KANSL1L: variants seen among roughly 807,000 people sequenced by gnomAD.
KANSL1L encodes the protein KAT8 regulatory NSL complex subunit 1-like protein.
A neutral mutation model predicts 108.6 loss-of-function variants in KANSL1L; 25 were observed. The observed-to-expected ratio is 0.23, with a 90% CI of 0.17 to 0.32. KANSL1L has a LOEUF of 0.32. KANSL1L is among the 10% of genes least tolerant of loss of function. The pLI is 1.00. For missense variants in KANSL1L, 1,137 were observed against 1,125.7 expected (o/e 1.01, Z -0.14); for synonymous variants, 405 against 395.1 (o/e 1.03, Z -0.30).
At chr2:210,036,923 A>G (rs188352108) in intron 8 of KANSL1L, among the ~76,000 whole-genome samples, 84 of 150,886 alleles carry the variant, frequency 5.6e-4, no homozygotes, top group African/African-American at 1.9e-3. Context: ...TGCCCAGCTA[A>G]TTTTTGTATT....
chr2:210,170,829 G>T (rs1309308643), intron 1 of KANSL1L, among the ~76,000 whole-genome samples: 3 of 152,120 alleles, frequency 2.0e-5, no homozygotes, highest in African/African-American at 2.4e-5. Context: ...ACAAAAGGGA[G>T]GTCTGCCAAG....
chr2:210,142,940 A>G (rs1156299812), intron 2 of KANSL1L, among the ~76,000 whole-genome samples: 2 of 152,118 alleles, frequency 1.3e-5, no homozygotes, highest in Non-Finnish European at 1.5e-5. Flanking sequence ...GGAATGTTCT[A>G]TATATCTCTG....
chr2:210,075,524 C>A, intron 6 of KANSL1L, 28 bp downstream of exon 6: 1 of 1,451,396 alleles, frequency 6.9e-7, no homozygotes. Flanking sequence ...AATCTTTGAT[C>A]ATGTTTTCTT....
intron 6 of KANSL1L, among the ~76,000 whole-genome samples, chr2:210,066,658 G>A (rs902558418): frequency 7.2e-5 from 11 of 152,142 alleles, no homozygotes; most frequent in African/African-American, 2.2e-4. Flanking sequence ...GGGATTACAG[G>A]CATCGGCCAC....
chr2:210,052,080 C>T (rs1027939728), intron 6 of KANSL1L, among the ~76,000 whole-genome samples: 2 of 150,122 alleles, frequency 1.3e-5, no homozygotes, highest in African/African-American at 4.9e-5. Context: ...TCAAGACTCA[C>T]TGCAGCCTCT....
chr2:210,029,183 G>A (rs1312979432), intron 10 of KANSL1L: 1 of 454,544 alleles, frequency 2.2e-6, no homozygotes, highest in Non-Finnish European at 3.8e-6. Context: ...GATGTGTAAT[G>A]TGTATTTATG....
At chr2:210,071,031 A>G (rs767732630) in intron 6 of KANSL1L, among the ~76,000 whole-genome samples, 3 of 150,772 alleles carry the variant, frequency 2.0e-5, no homozygotes, top group African/African-American at 2.4e-5. Context: ...GGTGGCGGGC[A>G]CCTGTAATCC....
At chr2:210,092,377 G>A (rs373947898) in intron 5 of KANSL1L, among the ~76,000 whole-genome samples, 2 of 152,084 alleles carry the variant, frequency 1.3e-5, no homozygotes, top group Non-Finnish European at 2.9e-5. Flanking sequence ...GCTACATTTT[G>A]GAACTTTTCT....
intron 10 of KANSL1L, 130 bp downstream of exon 10, chr2:210,029,673 A>AGAT (rs1207212624): frequency 2.1e-6 from 1 of 468,298 alleles, no homozygotes; most frequent in Non-Finnish European, 3.8e-6. Flanking sequence ...TTTTCTAACA[A>AGAT]GATAGTTATA....
At chr2:210,085,708 C>T (rs898828809) in intron 5 of KANSL1L, among the ~76,000 whole-genome samples, 8 of 151,528 alleles carry the variant, frequency 5.3e-5, no homozygotes, top group South Asian at 2.1e-4. Flanking sequence ...TTTTAGTGTC[C>T]GCATTTTTCC....
chr2:210,069,242 G>A (rs115163282), intron 6 of KANSL1L, among the ~76,000 whole-genome samples: 2,033 of 152,200 alleles, frequency 0.013, 36 homozygotes, highest in African/African-American at 0.047. Flanking sequence ...TTCTAATAAC[G>A]TGTCCCCCAT....
rs754032110 is a variant in KANSL1L, at chr2:210,028,882, A to T, written c.2359T>A (p.Leu787Ile). 2.2e-5 allele frequency: 35 copies of T among 1,600,318 alleles called. No individual in the cohort carries two copies. Among genetic ancestry groups the T allele is most frequent in the Non-Finnish European group, 2.9e-5 (34 of 1,168,598 alleles). ...ATTTCCTTATATTGGAGTTTCTCTAATTTAGCTGGGGCTACTAATGACATG... is the reference window on the plus strand; with the variant it reads ...ATTTCCTTATATTGGAGTTTCTCTATTTTAGCTGGGGCTACTAATGACATG... ...IPMSLVAPAKLEKLQYKEILT... is the reference protein window; with the variant it reads ...IPMSLVAPAKIEKLQYKEILT... The change falls in exon 11 of 15, where the codon TTA becomes ATA. Residue 787 changes from leucine (L) to isoleucine (I), a missense_variant. By Grantham distance (5) the Leu-to-Ile change is conservative. Around this residue, in one of 3 missense-constraint regions of KANSL1L, gnomAD observed 575 missense variants for 567.1 expected, o/e 1.01. Coordinates refer to ENST00000281772, the MANE Select transcript of KANSL1L (RefSeq NM_152519.4).
chr2:210,138,456 G>A (rs1007670770), intron 2 of KANSL1L, among the ~76,000 whole-genome samples: 6 of 152,040 alleles, frequency 3.9e-5, no homozygotes, highest in African/African-American at 1.4e-4. Context: ...TACATACCCT[G>A]TAAATCTAAA....
chr2:210,111,003 C>A (rs1370907618), intron 3 of KANSL1L, among the ~76,000 whole-genome samples: 1 of 151,904 alleles, frequency 6.6e-6, no homozygotes, highest in African/African-American at 2.4e-5. Flanking sequence ...TCCCATCTAC[C>A]CAGGAAGCTG....
At chr2:210,116,709 C>T (rs2094957612) in intron 3 of KANSL1L, among the ~76,000 whole-genome samples, 1 of 152,104 alleles carries the variant, frequency 6.6e-6, no homozygotes, top group South Asian at 2.1e-4. Flanking sequence ...CTGCAGTGAC[C>T]AATGAATTAG....
At chr2:210,115,338 A>G (rs2094944121) in intron 3 of KANSL1L, among the ~76,000 whole-genome samples, 1 of 152,200 alleles carries the variant, frequency 6.6e-6, no homozygotes, top group Non-Finnish European at 1.5e-5. Flanking sequence ...ATAACAAGAT[A>G]TAACAATTAT....
At chr2:210,143,914 G>A (rs1055092085) in intron 2 of KANSL1L, among the ~76,000 whole-genome samples, 1 of 152,106 alleles carries the variant, frequency 6.6e-6, no homozygotes, top group Non-Finnish European at 1.5e-5. Flanking sequence ...ACTATTACCA[G>A]TGAGTTTTAC....
intron 8 of KANSL1L, among the ~76,000 whole-genome samples, chr2:210,039,250 G>T (rs997124114): frequency 1.3e-5 from 2 of 151,884 alleles, no homozygotes; most frequent in African/African-American, 4.8e-5. Context: ...GACAACTTTA[G>T]TTATGATACT....
At chr2:210,028,401 ATCTTTTTT>A (rs2093966677) in intron 11 of KANSL1L, 1 of 111,260 alleles carries the variant, frequency 9.0e-6, no homozygotes, top group African/African-American at 3.6e-5. Flanking sequence ...ATGCATCAAA[ATCTTTTTT>A]TTTTTTTTTT....
Sources: gnomAD v4.1 joint callset for allele counts (sites outside exome capture counted in the v4.1 genomes callset) on GRCh38, gnomAD v4.1.1 for gene constraint, gnomAD v4.1.1 regional missense constraint, MANE v1.5 for transcripts, NCBI Gene and HGNC (gene_info 2026-07-23, HGNC 2026-07-21) for gene names.